The following CSMD1 variants were observed in gnomAD, a reference collection of about 807,000 sequenced individuals.
CSMD1 encodes CUB and sushi domain-containing protein 1.
CSMD1 carries 213 observed loss-of-function variants against 417.5 expected under a neutral mutation model. The observed-to-expected ratio is 0.51, with a 90% CI of 0.46 to 0.57. CSMD1 has a LOEUF of 0.57. Among genes scored for constraint, CSMD1 ranks in the 20% least tolerant of loss-of-function variants. The probability of loss-of-function intolerance (pLI) is 0.00; values close to 1 mark genes in which losing one functional copy is unlikely to be tolerated. For synonymous variants in CSMD1, 2,862 were observed against 1,736.8 expected (o/e 1.65, Z -16.11); for missense variants, 6,923 against 4,529.7 (o/e 1.53, Z -15.17).
At chr8:3,610,476 A>AGCTATGATCGTACTACT (rs1801836961) in intron 8 of CSMD1, among the ~76,000 whole-genome samples, 1 of 151,860 alleles carries the variant, frequency 6.6e-6, no homozygotes, top group Non-Finnish European at 1.5e-5. Context: ...TCGAGATTAC[A>AGCTATGATCGTACTACT]GTACTCCAGG....
At chr8:4,213,483 TG>T (rs1800448025) in intron 3 of CSMD1, among the ~76,000 whole-genome samples, 1 of 152,198 alleles carries the variant, frequency 6.6e-6, no homozygotes, top group African/African-American at 2.4e-5. Context: ...GTTACTAGAA[TG>T]AAAAACACTT....
At chr8:4,400,949 A>G (rs918247173) in intron 3 of CSMD1, among the ~76,000 whole-genome samples, 11 of 80,362 alleles carry the variant, frequency 1.4e-4, no homozygotes, top group African/African-American at 4.8e-4. Context: ...TTTATTTTAG[A>G]TAATATTATG....
intron 26 of CSMD1, among the ~76,000 whole-genome samples, chr8:3,274,638 A>G (rs2117175783): frequency 6.6e-6 from 1 of 152,226 alleles, no homozygotes; most frequent in Non-Finnish European, 1.5e-5. Flanking sequence ...TATATTTAGG[A>G]TAGTTAGCCC....
chr8:3,005,430 G>A (rs1585132748), intron 52 of CSMD1, among the ~76,000 whole-genome samples: 1 of 152,276 alleles, frequency 6.6e-6, no homozygotes, highest in Non-Finnish European at 1.5e-5. Context: ...TATGAGGCCA[G>A]CATCATCCTG....
chr8:4,252,496 C>A (rs1803147691), intron 3 of CSMD1, among the ~76,000 whole-genome samples: 2 of 152,168 alleles, frequency 1.3e-5, no homozygotes, highest in Non-Finnish European at 2.9e-5. Context: ...TTTTGAGAAG[C>A]CAGAGGCATG....
intron 1 of CSMD1, among the ~76,000 whole-genome samples, chr8:4,878,905 GAGAGAACGACAAGGTGA>G (rs1237502811): frequency 6.6e-6 from 1 of 151,620 alleles, no homozygotes; most frequent in Admixed American, 6.6e-5. Flanking sequence ...GCTCCGAGCA[GAGAGAACGACAAGGTGA>G]AGAGGACGAC....
intron 2 of CSMD1, among the ~76,000 whole-genome samples, chr8:4,570,120 T>C (rs1389828083): frequency 6.6e-6 from 1 of 152,204 alleles, no homozygotes; most frequent in African/African-American, 2.4e-5. Context: ...CCTAATTGAA[T>C]ACTCTTTCTT....
chr8:3,596,855 A>G (rs925320007), intron 8 of CSMD1, among the ~76,000 whole-genome samples: 3 of 152,168 alleles, frequency 2.0e-5, no homozygotes, highest in East Asian at 3.9e-4. Context: ...ACAAGACACT[A>G]AAAGATGTGA....
chr8:3,426,328 T>C (rs568080051), intron 12 of CSMD1, among the ~76,000 whole-genome samples: 3 of 152,342 alleles, frequency 2.0e-5, no homozygotes, highest in Admixed American at 6.5e-5. Flanking sequence ...TTTTGTTCCG[T>C]AGGTTACGTA....
chr8:3,462,637 G>A (rs921835541), intron 12 of CSMD1, among the ~76,000 whole-genome samples: 1 of 152,182 alleles, frequency 6.6e-6, no homozygotes, highest in African/African-American at 2.4e-5. Flanking sequence ...ATTATGGAGA[G>A]TTGTATAATT....
At chr8:3,579,623 C>T (rs1800297346) in intron 9 of CSMD1, among the ~76,000 whole-genome samples, 1 of 152,182 alleles carries the variant, frequency 6.6e-6, no homozygotes. Context: ...ATCACAGAGG[C>T]TAAGAACTTC....
chr8:3,435,376 G>A (rs1350475340), intron 12 of CSMD1, among the ~76,000 whole-genome samples: 1 of 152,108 alleles, frequency 6.6e-6, no homozygotes, highest in African/African-American at 2.4e-5. Flanking sequence ...CAGCCACCCA[G>A]TCCCGCCACC....
chr8:4,840,197 C>T (rs1017076703), intron 1 of CSMD1, among the ~76,000 whole-genome samples: 2 of 7,230 alleles, frequency 2.8e-4, no homozygotes, highest in Non-Finnish European at 1.5e-3. Flanking sequence ...CCACTCATCC[C>T]TGATCATGGT....
intron 1 of CSMD1, among the ~76,000 whole-genome samples, chr8:4,884,028 A>ATTT (rs1803572400): frequency 6.6e-6 from 1 of 152,028 alleles, no homozygotes; most frequent in Non-Finnish European, 1.5e-5. Flanking sequence ...TAGCCTTCGT[A>ATTT]GTGAATGTCA....
chr8:3,737,105 T>C (rs994465318), intron 6 of CSMD1, among the ~76,000 whole-genome samples: 1 of 152,236 alleles, frequency 6.6e-6, no homozygotes, highest in African/African-American at 2.4e-5. Flanking sequence ...GTAACTACAA[T>C]AGTCCCATAT....
intron 3 of CSMD1, among the ~76,000 whole-genome samples, chr8:4,314,893 A>G (rs1437670304): frequency 1.3e-5 from 2 of 152,208 alleles, no homozygotes; most frequent in Admixed American, 6.5e-5. Flanking sequence ...AGTGAAGAAC[A>G]TAATTGGGCT....
chr8:3,983,217 A>G (rs1248733349), intron 5 of CSMD1, among the ~76,000 whole-genome samples: 26 of 144,560 alleles, frequency 1.8e-4, no homozygotes, highest in Non-Finnish European at 3.4e-4. Flanking sequence ...TGCAAGCTCC[A>G]CCTCCCGGGT....
chr8:3,710,325 T>A (rs1801436517), intron 6 of CSMD1, among the ~76,000 whole-genome samples: 1 of 152,078 alleles, frequency 6.6e-6, no homozygotes, highest in Non-Finnish European at 1.5e-5. Context: ...CACACACACA[T>A]ACCCACGACC....
At chr8:4,681,182 T>G (rs1453301401) in intron 1 of CSMD1, among the ~76,000 whole-genome samples, 1 of 152,174 alleles carries the variant, frequency 6.6e-6, no homozygotes, top group African/African-American at 2.4e-5. Flanking sequence ...AGGTAATCTA[T>G]TTTTGGCAAT....
Sources: gnomAD v4.1 joint callset for allele counts (sites outside exome capture counted in the v4.1 genomes callset) on GRCh38, gnomAD v4.1.1 for gene constraint, MANE v1.5 for transcripts, NCBI Gene and HGNC (gene_info 2026-07-23, HGNC 2026-07-21) for gene names.